The following DPYD variants were observed in gnomAD, a reference collection of about 807,000 sequenced individuals.
DPYD encodes dihydropyrimidine dehydrogenase.
In DPYD, 109 loss-of-function variants were observed where a neutral mutation model predicts 116.2. The ratio of observed to expected loss-of-function variants is 0.94; its 90% CI spans 0.80 to 1.10. DPYD has a LOEUF of 1.10. Among genes scored for constraint, DPYD ranks in the 50% least tolerant of loss-of-function variants. The probability of loss-of-function intolerance (pLI) is 0.00; values close to 1 mark genes in which losing one functional copy is unlikely to be tolerated. For missense variants in DPYD, 1,302 were observed against 1,254.5 expected (o/e 1.04, Z -0.57); for synonymous variants, 440 against 432.0 (o/e 1.02, Z -0.23).
chr1:97,686,177 A>G (rs2100934915), intron 7 of DPYD, among the ~76,000 whole-genome samples: 1 of 148,880 alleles, frequency 6.7e-6, no homozygotes, highest in South Asian at 2.1e-4. Flanking sequence ...ATAAGACCAC[A>G]CAATACAACC....
chr1:97,724,032 CA>C (rs1276008263), intron 4 of DPYD, among the ~76,000 whole-genome samples: 2 of 151,374 alleles, frequency 1.3e-5, no homozygotes, highest in African/African-American at 2.4e-5. Context: ...GAATAAAAGA[CA>C]AAAAATCACA....
intron 20 of DPYD, among the ~76,000 whole-genome samples, chr1:97,128,944 C>G (rs200226004): frequency 6.6e-6 from 1 of 151,950 alleles, no homozygotes; most frequent in African/African-American, 2.4e-5. Context: ...TTTTTCTGTC[C>G]TCTCCCACTG....
At chr1:97,247,950 G>A (rs185456442) in intron 18 of DPYD, among the ~76,000 whole-genome samples, 137 of 152,288 alleles carry the variant, frequency 9.0e-4, no homozygotes, top group African/African-American at 3.2e-3. Context: ...GAATAATACC[G>A]ATCTTACACA....
chr1:97,165,402 T>G (rs1656250985), intron 20 of DPYD, among the ~76,000 whole-genome samples: 3 of 152,086 alleles, frequency 2.0e-5, no homozygotes, highest in African/African-American at 7.2e-5. Flanking sequence ...TTGGACCCCT[T>G]CCTTACCATA....
chr1:97,880,970 T>C (rs1400926418), intron 2 of DPYD, among the ~76,000 whole-genome samples: 2 of 152,044 alleles, frequency 1.3e-5, no homozygotes, highest in Admixed American at 6.6e-5. Context: ...TTTGTCTCCA[T>C]TGAGTAAATA....
intron 18 of DPYD, among the ~76,000 whole-genome samples, chr1:97,237,199 C>T: frequency 7.2e-6 from 1 of 139,822 alleles, no homozygotes; most frequent in African/African-American, 2.7e-5. Context: ...CGAGATTGCG[C>T]CATTGCCCTC....
In DPYD at chr1:97,451,283, A is replaced by G. The variant is rs150088723; in HGVS notation, c.1741-1060T>C. 3.6e-4 allele frequency among the ~76,000 whole-genome samples: 55 copies of G among 152,264 alleles called. No homozygotes were observed. In the East Asian group the frequency reaches 5.2e-3, roughly 14 times the overall value. On this transcript the variant is annotated intron_variant, in intron 13 of 22. Transcript: ENST00000370192. ...TTAGCATTAATTAGTGCTGATCTGCATATGTTTGATAAGGCATACCCTTGC... is the reference window on the plus strand; with the variant it reads ...TTAGCATTAATTAGTGCTGATCTGCGTATGTTTGATAAGGCATACCCTTGC...
chr1:97,596,466 A>G (rs1447937304), intron 8 of DPYD, among the ~76,000 whole-genome samples: 1 of 152,238 alleles, frequency 6.6e-6, no homozygotes, highest in African/African-American at 2.4e-5. Flanking sequence ...TAAATGAAGA[A>G]AATCTTATAG....
intron 1 of DPYD, among the ~76,000 whole-genome samples, chr1:97,892,087 A>AAAT (rs909433409): frequency 6.6e-6 from 1 of 151,706 alleles, no homozygotes; most frequent in South Asian, 2.1e-4. Flanking sequence ...TCAAGTAAAC[A>AAAT]AATAATAATA....
intron 4 of DPYD, among the ~76,000 whole-genome samples, chr1:97,723,028 CA>C (rs1663009396): frequency 6.6e-6 from 1 of 150,938 alleles, no homozygotes; most frequent in East Asian, 1.9e-4. Flanking sequence ...AAAGAAAAGA[CA>C]AAAAAAGAAA....
At chr1:97,836,723 A>T (rs936516179) in intron 2 of DPYD, among the ~76,000 whole-genome samples, 1 of 152,112 alleles carries the variant, frequency 6.6e-6, no homozygotes, top group Admixed American at 6.5e-5. Context: ...GGCTCTAAAA[A>T]TTAACAATCT....
intron 14 of DPYD, among the ~76,000 whole-genome samples, chr1:97,402,326 G>C (rs1459490197): frequency 2.6e-5 from 4 of 151,966 alleles, no homozygotes; most frequent in African/African-American, 9.7e-5. Flanking sequence ...TCCTCACACA[G>C]ATCTTGTCAT....
At chr1:97,676,627 A>C (rs1287799125) in intron 8 of DPYD, among the ~76,000 whole-genome samples, 1 of 152,182 alleles carries the variant, frequency 6.6e-6, no homozygotes, top group East Asian at 1.9e-4. Context: ...AGATAAAATA[A>C]GTGAGTAATG....
chr1:97,193,069 C>A lies in DPYD; in HGVS notation c.2622G>T (p.Lys874Asn). 6.2e-7 allele frequency: 1 copy of A among 1,613,868 alleles called. No individual in the cohort carries two copies. The highest frequency in any genetic ancestry group is 8.5e-7 in the Non-Finnish European group (1 of 1,179,816). ...TAACACAGGAGATTTAAGCACATAC[C>A]TTGTCCATGAGTTCAGCTATACGTG... Reference protein sequence around the residue: ...PVPRIAELMDKKLPSFGPYLE... With the variant: ...PVPRIAELMDNKLPSFGPYLE... The change falls in exon 20 of 23, where the codon AAG becomes AAT. Residue 874 changes from lysine to asparagine, a missense_variant and splice_region_variant. Physicochemically the swap from Lys to Asn is moderately conservative, Grantham distance 94. Coordinates refer to ENST00000370192, the MANE Select transcript of DPYD (RefSeq NM_000110.4).
intron 20 of DPYD, among the ~76,000 whole-genome samples, chr1:97,132,546 G>A (rs963400754): frequency 7.9e-5 from 12 of 151,958 alleles, no homozygotes; most frequent in African/African-American, 1.2e-4. Flanking sequence ...TTGACAAATG[G>A]AGAAATGTAA....
intron 8 of DPYD, among the ~76,000 whole-genome samples, chr1:97,643,062 C>G (rs994541441): frequency 6.6e-6 from 1 of 151,946 alleles, no homozygotes; most frequent in African/African-American, 2.4e-5. Flanking sequence ...AAAGCAATGG[C>G]AACAAAACCC....
intron 20 of DPYD, among the ~76,000 whole-genome samples, chr1:97,188,219 G>A (rs931976129): frequency 6.6e-6 from 1 of 152,022 alleles, no homozygotes; most frequent in Non-Finnish European, 1.5e-5. Context: ...ATCCTAATGA[G>A]AGCCTTTTAA....
intron 13 of DPYD, among the ~76,000 whole-genome samples, chr1:97,514,430 A>G (rs1458197704): frequency 1.3e-5 from 2 of 151,890 alleles, no homozygotes; most frequent in Non-Finnish European, 1.5e-5. Context: ...TAGCATAACT[A>G]ATATAGTCAG....
intron 21 of DPYD, among the ~76,000 whole-genome samples, chr1:97,085,888 T>C (rs764484493): frequency 3.9e-5 from 6 of 152,198 alleles, no homozygotes; most frequent in African/African-American, 1.4e-4. Flanking sequence ...TATGTAGATA[T>C]GTATGTGGAG....
Sources: gnomAD v4.1 joint callset for allele counts (sites outside exome capture counted in the v4.1 genomes callset) on GRCh38, gnomAD v4.1.1 for gene constraint, MANE v1.5 for transcripts, NCBI Gene and HGNC (gene_info 2026-07-23, HGNC 2026-07-21) for gene names.